DLD: variants seen among roughly 807,000 people sequenced by gnomAD.
DLD encodes dihydrolipoyl dehydrogenase, mitochondrial.
In DLD, 36 loss-of-function variants were observed where a neutral mutation model predicts 62.2. The ratio of observed to expected loss-of-function variants is 0.58; its 90% CI spans 0.44 to 0.76. The LOEUF (loss-of-function observed/expected upper bound fraction) is 0.76. DLD is among the 30% of genes least tolerant of loss of function. DLD has a pLI of 0.00. For missense variants in DLD, 541 were observed against 608.6 expected (o/e 0.89, Z 1.17); for synonymous variants, 204 against 199.6 (o/e 1.02, Z -0.19).
chr7:107,891,321 C>T (rs1280676252), intron 1 of DLD, 32 bp downstream of exon 1: 4 of 1,613,418 alleles, frequency 2.5e-6, no homozygotes, highest in Non-Finnish European at 3.4e-6. Flanking sequence ...TCGTGTTGAG[C>T]CAGAGGCACG....
In DLD at chr7:107,904,974, G is replaced by T. The variant is rs1408724174; in HGVS notation, c.354G>T (p.Leu118Phe). ...SRGIEMSEVR[L>F]NLDKMMEQKS... is the part of the protein sequence containing the mutation. Reference sequence around the variant, plus strand: ...AAATTACAGTGTCCGAAGTTCGCTTGAATTTAGACAAGATGATGGAGCAGA... The same window carrying T: ...AAATTACAGTGTCCGAAGTTCGCTTTAATTTAGACAAGATGATGGAGCAGA... Residue 118 changes from leucine to phenylalanine, a missense_variant, in exon 6 of 14, where the codon TTG becomes TTT. Physicochemically the swap from Leu to Phe is conservative, Grantham distance 22 (BLOSUM62 0). Transcript: ENST00000205402. 6.2e-7 allele frequency: 1 copy of T among 1,612,782 alleles called. No homozygotes were observed. Among genetic ancestry groups the T allele is most frequent in the Non-Finnish European group, 8.5e-7 (1 of 1,179,242 alleles).
At chr7:107,901,891 T>C (rs570982493) in intron 3 of DLD, 74 bp downstream of exon 3, 13 of 1,270,670 alleles carry the variant, frequency 1.0e-5, no homozygotes, top group Middle Eastern at 1.9e-4. Context: ...TAAAGTACTT[T>C]GCAGGCAAAA....
In DLD at chr7:107,903,426, T is replaced by C. The variant is rs1194260908; in HGVS notation, c.268-52T>C. On this transcript the variant is annotated intron_variant, in intron 4 of 13. Transcript: ENST00000205402. ...CATTTCATAAGTGCTTTTTGATTAT[T>C]TGAAGTCTGTTTATGAATATTTGAT... 6.2e-6 allele frequency: 7 copies of C among 1,138,190 alleles called. No homozygotes were observed. In the East Asian group the frequency reaches 1.7e-4, roughly 27 times the overall value. 70.5% of individuals were successfully genotyped at this position (1,138,190 alleles called of 1,614,324 possible). A position where few individuals can be genotyped will look rare whatever the true frequency, so the allele number is the denominator to read the frequency against.
intron 2 of DLD, among the ~76,000 whole-genome samples, chr7:107,893,938 GT>G (rs944163010): frequency 6.6e-6 from 1 of 152,164 alleles, no homozygotes; most frequent in Non-Finnish European, 1.5e-5. Context: ...GAGTAAGGTT[GT>G]ATTGGTTATT....
At position 107,915,647 on chromosome 7, in the gene DLD, A is replaced by G; in HGVS notation, c.826A>G (p.Thr276Ala). ...QKQGFKFKLNTKVTGATKKSD... is the reference protein window; with the variant it reads ...QKQGFKFKLNAKVTGATKKSD... ...ACAGGGGTTTAAATTTAAATTGAAT[A>G]CAAAGGTTACTGGTGCTACCAAGAA... The change falls in exon 9 of 14, where the codon ACA becomes GCA. Residue 276 changes from threonine (T) to alanine (A), a missense_variant. Physicochemically the swap from Thr to Ala is moderately conservative, Grantham distance 58 (BLOSUM62 0). Coordinates refer to ENST00000205402, the MANE Select transcript of DLD (RefSeq NM_000108.5). 6.2e-7 allele frequency: 1 copy of G among 1,613,838 alleles called. No individual in the cohort carries two copies. The highest frequency in any genetic ancestry group is 8.5e-7 in the Non-Finnish European group (1 of 1,179,858).
rs1165243466 is a variant in DLD at position 107,915,541 on chromosome 7, A to G, written c.720A>G (p.Thr240=). The change falls in exon 9 of 14, where the codon ACA becomes ACG. Residue 240 remains threonine, a synonymous_variant. Transcript: ENST00000205402. The stretch of plus-strand genomic sequence containing the variant: ...GGCAAAGACTTGGTGCAGATGTGAC[A>G]GCAGTTGAATTTTTAGGTCATGTAG... ...SVWQRLGADV[T]AVEFLGHVGG... 3.7e-6 allele frequency: 6 copies of G among 1,613,840 alleles called. No homozygotes were observed. Among genetic ancestry groups the G allele is most frequent in the South Asian group, 1.1e-5 (1 of 91,090 alleles).
chr7:107,892,469 A>G (rs1028199699), intron 1 of DLD, among the ~76,000 whole-genome samples: 1 of 152,214 alleles, frequency 6.6e-6, no homozygotes, highest in Non-Finnish European at 1.5e-5. Flanking sequence ...GGAAACAAAA[A>G]TTACAGGTAA....
intron 7 of DLD, 146 bp downstream of exon 7, chr7:107,905,650 CTT>C: frequency 1.2e-6 from 1 of 829,480 alleles, no homozygotes; most frequent in Non-Finnish European, 2.0e-6. Context: ...AGTTACCTGT[CTT>C]TATTCTGCAG....
rs756236031 is a variant in DLD, at chr7:107,917,981, A to C, written c.1294A>C (p.Asn432His). 6.2e-7 allele frequency: 1 copy of C among 1,614,122 alleles called. No individual in the cohort carries two copies. Among genetic ancestry groups the C allele is most frequent in the South Asian group, 1.1e-5 (1 of 91,084 alleles). ...PFAANSRAKT[N>H]ADTDGMVKIL... ...TGCTGCTAACAGCAGAGCTAAGACA[A>C]ATGCTGACACAGATGGCATGGTGAA... The change falls in exon 12 of 14, where the codon AAT (asparagine) becomes CAT (histidine). Residue 432 changes from asparagine to histidine, a missense_variant. By Grantham distance (68) the Asn-to-His change is moderately conservative. Transcript: ENST00000205402.
chr7:107,894,596 G>A (rs2031671321), intron 2 of DLD, among the ~76,000 whole-genome samples: 1 of 152,166 alleles, frequency 6.6e-6, no homozygotes, highest in South Asian at 2.1e-4. Flanking sequence ...CATATAACAG[G>A]AGAAATGTTA....
intron 8 of DLD, among the ~76,000 whole-genome samples, chr7:107,914,275 G>T (rs896151768): frequency 6.6e-6 from 1 of 151,870 alleles, no homozygotes; most frequent in African/African-American, 2.4e-5. Context: ...ATATATTCTG[G>T]ATATAAATCC....
chr7:107,905,226 C>T (rs1034505350), intron 6 of DLD, 135 bp from the exon 7 acceptor site: 3 of 1,082,640 alleles, frequency 2.8e-6, no homozygotes, highest in African/African-American at 3.2e-5. Context: ...TTTTTTGCTG[C>T]ACCATGGTGT....
At chr7:107,904,184 A>G (rs1344138894) in intron 5 of DLD, among the ~76,000 whole-genome samples, 2 of 152,172 alleles carry the variant, frequency 1.3e-5, no homozygotes, top group Non-Finnish European at 2.9e-5. Context: ...ACTTAAGGCA[A>G]TCCATTGGGT....
upstream of DLD, chr7:107,891,179 A>T (rs968449372): frequency 6.3e-7 from 1 of 1,582,354 alleles, no homozygotes; most frequent in Non-Finnish European, 8.7e-7. Flanking sequence ...CAGGGAGGGG[A>T]GACCTTGGCG....
At chr7:107,895,781 AAGGTTGAGAGTAACTCTCGTTAC>A (rs1481374273) in intron 2 of DLD, among the ~76,000 whole-genome samples, 1 of 152,188 alleles carries the variant, frequency 6.6e-6, no homozygotes, top group African/African-American at 2.4e-5. Flanking sequence ...GATAGCTAAA[AAGGTTGAGAGTAACTCTCGTTAC>A]AGGTTGGACC....
In DLD at chr7:107,891,271, G is replaced by A; in HGVS notation, c.21G>A (p.Val7=). Residue 7 remains valine, a synonymous_variant, in exon 1 of 14, where the codon GTG becomes GTA. Transcript: ENST00000205402. Reference sequence around the variant, plus strand: ...GAAAAATGCAGAGCTGGAGTCGTGTGTACTGCTCCTTGGCCAAGGTGAGGG... The same window carrying A: ...GAAAAATGCAGAGCTGGAGTCGTGTATACTGCTCCTTGGCCAAGGTGAGGG... MQSWSR[V]YCSLAKRGHF... 2.5e-6 allele frequency: 4 copies of A among 1,614,156 alleles called. No homozygotes were observed. Among genetic ancestry groups the A allele is most frequent in the Non-Finnish European group, 3.4e-6 (4 of 1,179,978 alleles).
In DLD at chr7:107,901,703, AT is replaced by A. The variant is rs758973358; in HGVS notation, c.119-32del. ...AGCTCTTTTTGGTAAATATTAAGCAATTTACTATTTTATATCAATTTGCTTT... is the reference window on the plus strand; with the variant it reads ...AGCTCTTTTTGGTAAATATTAAGCAATTACTATTTTATATCAATTTGCTTT... On this transcript the variant is annotated intron_variant, in intron 2 of 13. Coordinates refer to ENST00000205402, the MANE Select transcript of DLD (RefSeq NM_000108.5). 7.7e-6 allele frequency: 12 copies of A among 1,563,112 alleles called. No individual in the cohort carries two copies. In the South Asian group the frequency reaches 1.3e-4, roughly 17 times the overall value.
intron 1 of DLD, among the ~76,000 whole-genome samples, chr7:107,892,666 C>G (rs1017834955): frequency 6.6e-6 from 1 of 152,158 alleles, no homozygotes; most frequent in Non-Finnish European, 1.5e-5. Flanking sequence ...CTGCCTTGGC[C>G]TCCCGAGTAG....
At chr7:107,912,813 T>C (rs981641389) in intron 8 of DLD, among the ~76,000 whole-genome samples, 1 of 152,144 alleles carries the variant, frequency 6.6e-6, no homozygotes, top group Non-Finnish European at 1.5e-5. Flanking sequence ...TGTAATCCCA[T>C]TTGTCTGTTT....
Sources: allele counts gnomAD v4.1 joint callset (sites outside exome capture counted in the v4.1 genomes callset), GRCh38; gene constraint gnomAD v4.1.1; transcripts MANE v1.5; gene names NCBI Gene and HGNC (gene_info 2026-07-23, HGNC 2026-07-21).